FOXP2: variants seen among roughly 807,000 people sequenced by gnomAD.
FOXP2 encodes the protein forkhead box P2.
Under a neutral mutation model 115.8 loss-of-function variants are expected in FOXP2, and 12 were observed. The ratio of observed to expected loss-of-function variants is 0.10; its 90% CI spans 0.07 to 0.17. The LOEUF is 0.17. FOXP2 is among the 10% of genes least tolerant of loss of function. FOXP2 has a pLI of 1.00. For missense variants in FOXP2, 629 were observed against 843.5 expected (o/e 0.75, Z 3.15); for synonymous variants, 328 against 297.7 (o/e 1.10, Z -1.05).
intron 3 of FOXP2, among the ~76,000 whole-genome samples, chr7:114,559,362 C>T (rs1444531888): frequency 6.6e-6 from 1 of 152,120 alleles, no homozygotes; most frequent in Non-Finnish European, 1.5e-5. Context: ...TGATTTCAGC[C>T]TTACCTATCT....
chr7:114,116,050 A>T (rs186100119), intron 1 of FOXP2, among the ~76,000 whole-genome samples: 1 of 152,282 alleles, frequency 6.6e-6, no homozygotes, highest in East Asian at 1.9e-4. Flanking sequence ...GTTTTACCCA[A>T]AGACTACTGG....
At chr7:114,488,170 G>A (rs1483723384) in intron 2 of FOXP2, among the ~76,000 whole-genome samples, 1 of 152,136 alleles carries the variant, frequency 6.6e-6, no homozygotes, top group Non-Finnish European at 1.5e-5. Flanking sequence ...AAGAGCACAT[G>A]TGCAAATGAA....
intron 3 of FOXP2, among the ~76,000 whole-genome samples, chr7:114,555,534 T>C (rs1800411990): frequency 6.6e-6 from 1 of 152,178 alleles, no homozygotes; most frequent in African/African-American, 2.4e-5. Context: ...CAGTGGCTCA[T>C]GCCTGTAATC....
At position 114,631,650 on chromosome 7, in the gene FOXP2, A is replaced by G. The variant is rs1804930184; in HGVS notation, c.720A>G (p.Gly240=). ...ATCTGCTCAGCCTTCAGCGTCAGGG[A>G]CTCATCTCCATTCCACCTGGCCAGG... ...QQHLLSLQRQ[G]LISIPPGQAA... The change falls in exon 6 of 17, where the codon GGA becomes GGG. Residue 240 remains glycine (G), a synonymous_variant. Transcript: ENST00000350908. 5 of 1,614,022 alleles carry G rather than the reference A, an allele frequency of 3.1e-6. No individual in the cohort carries two copies. The highest frequency in any genetic ancestry group is 2.2e-5 in the East Asian group (1 of 44,858).
chr7:114,653,998 T>G lies in FOXP2; in HGVS notation c.1255T>G (p.Ser419Ala), dbSNP rs775743904. ...LHMRPSEPKP[S>A]PKPLNLVSSV... ...CATGCGACCCTCAGAGCCCAAACCA[T>G]CTCCCAAACCTGTAAGTGCATATTG... The change falls in exon 10 of 17, where the codon TCT becomes GCT. Residue 419 changes from serine (S) to alanine (A), a missense_variant. Around this residue, in one of 9 missense-constraint regions of FOXP2, gnomAD observed 101 missense variants for 116.0 expected, o/e 0.87. Coordinates refer to ENST00000350908, the MANE Select transcript of FOXP2 (RefSeq NM_014491.4). The G allele has an allele frequency of 3.1e-6, 5 of 1,613,080 alleles. No homozygotes were observed. The South Asian group carries it at 5.5e-5, about 18-fold the overall frequency.
chr7:114,493,178 T>G (rs1797148928), intron 2 of FOXP2, among the ~76,000 whole-genome samples: 1 of 152,198 alleles, frequency 6.6e-6, no homozygotes, highest in Non-Finnish European at 1.5e-5. Context: ...CTTCTTTGTC[T>G]CTTTTGATCT....
At chr7:114,248,542 T>A (rs1464211756) in intron 1 of FOXP2, among the ~76,000 whole-genome samples, 3 of 152,196 alleles carry the variant, frequency 2.0e-5, no homozygotes, top group African/African-American at 4.8e-5. Context: ...TGCCATTTAG[T>A]TTAGAATGTG....
chr7:114,344,319 T>C (rs1433993611), intron 2 of FOXP2, among the ~76,000 whole-genome samples: 3 of 151,812 alleles, frequency 2.0e-5, no homozygotes, highest in Admixed American at 6.6e-5. Context: ...AACTTTAAAC[T>C]GTAGCTCTGT....
intron 3 of FOXP2, chr7:114,570,728 A>G: frequency 9.3e-7 from 1 of 1,075,532 alleles, no homozygotes; most frequent in Admixed American, 1.7e-5. Context: ...ATGATTTTTA[A>G]AAATGATAAT....
chr7:114,683,797 G>T (rs184212519), intron 16 of FOXP2, among the ~76,000 whole-genome samples: 20 of 152,274 alleles, frequency 1.3e-4, no homozygotes, highest in Admixed American at 3.9e-4. Context: ...CTGGGATGAT[G>T]TTTTGAGTCT....
chr7:114,204,718 A>C (rs986142940), intron 1 of FOXP2, among the ~76,000 whole-genome samples: 1 of 152,170 alleles, frequency 6.6e-6, no homozygotes, highest in Non-Finnish European at 1.5e-5. Flanking sequence ...CAGTTTTTTG[A>C]GAGTATTTGC....
chr7:114,143,741 C>T (rs942233381), intron 1 of FOXP2, among the ~76,000 whole-genome samples: 1 of 152,070 alleles, frequency 6.6e-6, no homozygotes, highest in Non-Finnish European at 1.5e-5. Flanking sequence ...ATAATCCTAC[C>T]ATGTGTCCAA....
intron 1 of FOXP2, among the ~76,000 whole-genome samples, chr7:114,248,120 A>C (rs536955646): frequency 6.6e-6 from 1 of 151,934 alleles, no homozygotes; most frequent in South Asian, 2.1e-4. Context: ...TATAGTCTCC[A>C]ATGGTATAAG....
At chr7:114,580,340 G>A (rs1377872192) in intron 3 of FOXP2, among the ~76,000 whole-genome samples, 2 of 152,206 alleles carry the variant, frequency 1.3e-5, no homozygotes, top group Non-Finnish European at 2.9e-5. Context: ...CACTTTGGGA[G>A]GCTGAGGCGG....
intron 2 of FOXP2, among the ~76,000 whole-genome samples, chr7:114,330,480 G>T (rs563961431): frequency 4.6e-5 from 5 of 109,370 alleles, no homozygotes; most frequent in African/African-American, 1.4e-4. Flanking sequence ...AAAAAAAAAA[G>T]TTTATATATA....
At chr7:114,438,642 T>C (rs2129211107) in intron 2 of FOXP2, among the ~76,000 whole-genome samples, 1 of 152,268 alleles carries the variant, frequency 6.6e-6, no homozygotes, top group South Asian at 2.1e-4. Context: ...CCATTCATAA[T>C]TTAATTCATT....
chr7:114,271,724 T>G (rs1197718048), intron 1 of FOXP2, among the ~76,000 whole-genome samples: 1 of 117,654 alleles, frequency 8.5e-6, no homozygotes, highest in Non-Finnish European at 1.6e-5. Flanking sequence ...ACATATGTAT[T>G]AAATATATAT....
intron 2 of FOXP2, among the ~76,000 whole-genome samples, chr7:114,494,010 GA>G (rs1182617216): frequency 6.6e-6 from 1 of 152,054 alleles, no homozygotes; most frequent in African/African-American, 2.4e-5. Flanking sequence ...TATGCTGTCA[GA>G]ATGAGGGTTT....
At chr7:114,088,078 C>T (rs1206484713) in intron 1 of FOXP2, 5 of 152,210 alleles carry the variant, frequency 3.3e-5, no homozygotes, top group Non-Finnish European at 5.9e-5. Flanking sequence ...AGATTTAAAC[C>T]ACTTAATAGC....
Sources: gnomAD v4.1 joint callset for allele counts (sites outside exome capture counted in the v4.1 genomes callset) on GRCh38, gnomAD v4.1.1 for gene constraint, gnomAD v4.1.1 regional missense constraint, MANE v1.5 for transcripts, NCBI Gene and HGNC (gene_info 2026-07-23, HGNC 2026-07-21) for gene names.